GABRB2: variants seen among roughly 807,000 people sequenced by gnomAD.
GABRB2 encodes gamma-aminobutyric acid type A receptor subunit beta2.
A neutral mutation model predicts 54.7 loss-of-function variants in GABRB2; 16 were observed. The ratio of observed to expected loss-of-function variants is 0.29; its 90% confidence interval spans 0.20 to 0.44. The LOEUF is 0.44. GABRB2 is among the 20% of genes least tolerant of loss of function. The pLI, the probability that GABRB2 is intolerant of heterozygous loss-of-function variation, is 1.00. For missense variants in GABRB2, 355 were observed against 644.0 expected (o/e 0.55, Z 4.86); for synonymous variants, 244 against 233.8 (o/e 1.04, Z -0.40).
intron 4 of GABRB2, among the ~76,000 whole-genome samples, chr5:161,442,229 T>C (rs150963783): frequency 3.3e-5 from 5 of 152,168 alleles, no homozygotes; most frequent in African/African-American, 7.2e-5. Flanking sequence ...AAATACCTAC[T>C]ATGTACCCCT....
At position 161,294,422 on chromosome 5, in the gene GABRB2, G is replaced by T. The variant is rs1757325283; in HGVS notation, c.1198C>A (p.Pro400Thr). The T allele has an allele frequency of 1.9e-6, 3 of 1,610,282 alleles. No individual in the cohort carries two copies. In the South Asian group the frequency reaches 3.3e-5, roughly 18 times the overall value. ...GTGCTCAGTAAGATGTTCTCATGGG[G>T]GTCCATCTGCAAGGGAAGAGAATCA... ...NYDFSLYTMD[P>T]HENILLSTLE... Residue 400 changes from proline (P) to threonine (T), a missense_variant, in exon 10 of 10, where the codon CCC becomes ACC. Pro to Thr is a conservative substitution (Grantham distance 38). Coordinates refer to ENST00000393959, the MANE Select transcript of GABRB2 (RefSeq NM_001371727.1).
intron 5 of GABRB2, among the ~76,000 whole-genome samples, chr5:161,379,890 A>T (rs1010358192): frequency 3.3e-5 from 5 of 152,140 alleles, no homozygotes; most frequent in African/African-American, 1.2e-4. Flanking sequence ...CTGGAGAGAA[A>T]ATGTGGTAAA....
chr5:161,456,294 C>T (rs999225070), intron 4 of GABRB2, among the ~76,000 whole-genome samples: 3 of 152,168 alleles, frequency 2.0e-5, no homozygotes, highest in Non-Finnish European at 4.4e-5. Context: ...GAAATCCACA[C>T]AGCAAAATTC....
At chr5:161,345,822 C>T (rs1754306091) in intron 5 of GABRB2, among the ~76,000 whole-genome samples, 1 of 152,028 alleles carries the variant, frequency 6.6e-6, no homozygotes, top group Non-Finnish European at 1.5e-5. Flanking sequence ...GGTGAAGAAC[C>T]ATGTCCGGTC....
Position 161,295,819 on chromosome 5 carries a change from T to C in GABRB2, c.1192-1391A>G, listed in dbSNP as rs868649085. ...TCAGACATTCTGCATGTTTACTTTA[T>C]GGTATCATTTTGCTTAGAGGAAACA... On this transcript the variant is annotated intron_variant, in intron 9 of 9. Coordinates refer to ENST00000393959, the MANE Select transcript of GABRB2 (RefSeq NM_001371727.1). Among the ~76,000 whole-genome samples, 12 of 152,362 alleles carry C rather than the reference T, an allele frequency of 7.9e-5. No individual in the cohort carries two copies. In the Middle Eastern group the frequency reaches 0.01, roughly 130 times the overall value.
intron 4 of GABRB2, among the ~76,000 whole-genome samples, chr5:161,419,305 A>T: frequency 6.6e-6 from 1 of 152,234 alleles, no homozygotes; most frequent in Non-Finnish European, 1.5e-5. Flanking sequence ...AAAGTAAAAA[A>T]TAGCAGATGT....
At chr5:161,333,292 A>C (rs1188581378) in intron 7 of GABRB2, among the ~76,000 whole-genome samples, 2 of 152,230 alleles carry the variant, frequency 1.3e-5, no homozygotes, top group Non-Finnish European at 2.9e-5. Flanking sequence ...ATATAAAACT[A>C]GATATGGACC....
intron 5 of GABRB2, among the ~76,000 whole-genome samples, chr5:161,384,948 T>C (rs1755578727): frequency 1.3e-5 from 2 of 152,148 alleles, no homozygotes; most frequent in African/African-American, 4.8e-5. Flanking sequence ...CTGTGACTGC[T>C]TTTCTTTCAT....
intron 5 of GABRB2, among the ~76,000 whole-genome samples, chr5:161,337,158 T>C (rs1487258021): frequency 6.6e-6 from 1 of 152,154 alleles, no homozygotes; most frequent in Non-Finnish European, 1.5e-5. Flanking sequence ...CATTATCATA[T>C]AACATTATCA....
intron 9 of GABRB2, among the ~76,000 whole-genome samples, chr5:161,297,440 A>G (rs1302709268): frequency 6.6e-6 from 1 of 151,000 alleles, no homozygotes; most frequent in African/African-American, 2.4e-5. Flanking sequence ...CTAGTCCCCC[A>G]CCCCCTGACA....
At chr5:161,303,962 G>C (rs1757609070) in intron 9 of GABRB2, among the ~76,000 whole-genome samples, 1 of 152,168 alleles carries the variant, frequency 6.6e-6, no homozygotes, top group Non-Finnish European at 1.5e-5. Flanking sequence ...TGTGGGCAGG[G>C]ACTGTGTCTT....
intron 9 of GABRB2, among the ~76,000 whole-genome samples, chr5:161,304,565 C>A (rs1223822852): frequency 2.8e-4 from 42 of 152,094 alleles, no homozygotes; most frequent in Non-Finnish European, 7.4e-5. Context: ...TGGTATCTTC[C>A]ATTTCTTTTA....
rs556725194 is a variant in GABRB2, at chr5:161,474,294, C to T, written c.238-14450G>A. Among the ~76,000 whole-genome samples, 94 of 152,036 alleles carry T rather than the reference C, an allele frequency of 6.2e-4. No homozygotes were observed. The East Asian group carries it at 6.6e-3, about 11-fold the overall frequency. On this transcript the variant is annotated intron_variant, in intron 3 of 9. Coordinates refer to ENST00000393959, the MANE Select transcript of GABRB2 (RefSeq NM_001371727.1). ...TATCTTGCAGATGAACTCAATTTTG[C>T]GATGACATTCATTTAGTCAGGATGT...
At chr5:161,327,358 A>G (rs2113391188) in intron 8 of GABRB2, among the ~76,000 whole-genome samples, 1 of 152,156 alleles carries the variant, frequency 6.6e-6, no homozygotes, top group Middle Eastern at 3.4e-3. Flanking sequence ...TTAGCTTTTC[A>G]GTTTTTGTTT....
At chr5:161,367,488 CTGAGT>C (rs1359060122) in intron 5 of GABRB2, among the ~76,000 whole-genome samples, 1 of 146,694 alleles carries the variant, frequency 6.8e-6, no homozygotes, top group African/African-American at 2.7e-5. Flanking sequence ...CTTAACTATT[CTGAGT>C]TAACGTATTT....
intron 5 of GABRB2, among the ~76,000 whole-genome samples, chr5:161,359,776 T>C (rs1186241466): frequency 6.6e-6 from 1 of 152,158 alleles, no homozygotes; most frequent in African/African-American, 2.4e-5. Context: ...TTAACTCATG[T>C]TATACTTTGT....
At chr5:161,539,010 C>T (rs1232930450) in intron 3 of GABRB2, among the ~76,000 whole-genome samples, 2 of 152,146 alleles carry the variant, frequency 1.3e-5, no homozygotes, top group Non-Finnish European at 2.9e-5. Context: ...GTTTAAAAAA[C>T]AGCAGCACTT....
At chr5:161,330,176 G>C (rs771276922) in intron 8 of GABRB2, 6 of 152,114 alleles carry the variant, frequency 3.9e-5, no homozygotes, top group Non-Finnish European at 8.8e-5. Flanking sequence ...CAAATAAACA[G>C]GGTTTATAGT....
intron 4 of GABRB2, among the ~76,000 whole-genome samples, chr5:161,438,401 T>A (rs752111759): frequency 2.0e-5 from 3 of 152,074 alleles, no homozygotes; most frequent in Non-Finnish European, 4.4e-5. Flanking sequence ...ATTTCAAACA[T>A]CTGGAAAGCC....
Sources: allele counts gnomAD v4.1 joint callset (sites outside exome capture counted in the v4.1 genomes callset), GRCh38; gene constraint gnomAD v4.1.1; transcripts MANE v1.5; gene names NCBI Gene and HGNC (gene_info 2026-07-23, HGNC 2026-07-21).